RABL3: variants seen among roughly 807,000 people sequenced by gnomAD.
The protein encoded by RABL3 is RAB, member of RAS oncogene family like 3.
RABL3 carries 31 observed loss-of-function variants against 31.8 expected under a neutral mutation model. The ratio of observed to expected loss-of-function variants is 0.97; its 90% CI spans 0.73 to 1.31. The LOEUF (loss-of-function observed/expected upper bound fraction) is 1.31, where lower values mean the gene tolerates loss of function less well. Ranked by LOEUF, RABL3 falls within the 40% of genes most tolerant of loss-of-function variation. The pLI is 0.00. For synonymous variants in RABL3, 97 were observed against 99.9 expected, an observed-to-expected ratio of 0.97 and a Z score of 0.18; for missense variants, 263 against 279.6, an observed-to-expected ratio of 0.94 and a Z score of 0.42.
chr3:120,739,006 T>C (rs943857145), intron 1 of RABL3, among the ~76,000 whole-genome samples: 2 of 152,176 alleles, frequency 1.3e-5, no homozygotes, highest in South Asian at 2.1e-4. Flanking sequence ...AGCCATACAC[T>C]TGAGCCTGCA....
intron 2 of RABL3, among the ~76,000 whole-genome samples, chr3:120,720,691 G>C (rs1708728504): frequency 1.3e-5 from 2 of 152,218 alleles, no homozygotes; most frequent in Admixed American, 1.3e-4. Context: ...TACGTGAAAA[G>C]ACCAAATCTA....
Position 120,687,866 on chromosome 3 carries a change from G to C in RABL3, c.*1957C>G, listed in dbSNP as rs1160454807. The C allele has an allele frequency of 3.3e-5, 5 of 151,822 alleles. No homozygotes were observed. The highest frequency in any genetic ancestry group is 3.3e-4 in the Admixed American group (5 of 15,242). The allele number at this position is 151,822 out of a possible 1,614,324, so 9.4% of individuals were successfully genotyped here. On this transcript the variant is annotated 3_prime_UTR_variant, in exon 8 of 8. Transcript: ENST00000273375. ...GGCTGGAGTGCAGTGACACGATCTTGACTCACTGCAACCTCCACCTCCCAG... is the reference window on the plus strand; with the variant it reads ...GGCTGGAGTGCAGTGACACGATCTTCACTCACTGCAACCTCCACCTCCCAG...
At position 120,687,576 on chromosome 3, in the gene RABL3, C is replaced by A. The variant is rs1215320478; in HGVS notation, c.*2247G>T. 2 of 152,110 alleles carry A rather than the reference C, an allele frequency of 1.3e-5. No individual in the cohort carries two copies. Among genetic ancestry groups the A allele is most frequent in the African/African-American group, 2.4e-5 (1 of 41,422 alleles). The allele number at this position is 152,110 out of a possible 1,614,324, so 9.4% of individuals were successfully genotyped here. On this transcript the variant is annotated 3_prime_UTR_variant, in exon 8 of 8. Coordinates refer to ENST00000273375, the MANE Select transcript of RABL3 (RefSeq NM_173825.5). ...TTTTTTGAATAACTCTAGCTAATAACATTCATTTGCGCAAAAAGCCTTATT... is the reference window on the plus strand; with the variant it reads ...TTTTTTGAATAACTCTAGCTAATAAAATTCATTTGCGCAAAAAGCCTTATT...
chr3:120,729,025 T>C lies in RABL3; in HGVS notation c.138+1671A>G, dbSNP rs533980293. 4.6e-5 allele frequency among the ~76,000 whole-genome samples: 7 copies of C among 152,092 alleles called. No homozygotes were observed. The South Asian group carries it at 1.2e-3, about 27-fold the overall frequency. The stretch of plus-strand genomic sequence containing the variant: ...CATTCAAGGCAAAAGTATATGTGAG[T>C]GAGTGATGAAGACTAGACTATAGAT... On this transcript the variant is annotated intron_variant, in intron 2 of 7. Transcript: ENST00000273375.
intron 4 of RABL3, among the ~76,000 whole-genome samples, chr3:120,704,839 A>G (rs1708531422): frequency 2.0e-5 from 3 of 152,230 alleles, no homozygotes; most frequent in Middle Eastern, 3.4e-3. Flanking sequence ...GAGGTCAGGA[A>G]TTCGAGATCA....
chr3:120,733,861 GTTGTAGAT>G (rs1708919918), intron 1 of RABL3, among the ~76,000 whole-genome samples: 1 of 152,042 alleles, frequency 6.6e-6, no homozygotes, highest in African/African-American at 2.4e-5. Flanking sequence ...AGATTAGATG[GTTGTAGAT>G]GTGTAGATGT....
chr3:120,710,800 C>T (rs1240696772), intron 2 of RABL3, among the ~76,000 whole-genome samples: 1 of 152,110 alleles, frequency 6.6e-6, no homozygotes, highest in East Asian at 1.9e-4. Flanking sequence ...TTCTCTTGAC[C>T]TCAAGTCCTC....
chr3:120,708,464 G>C (rs1438728567), intron 3 of RABL3, among the ~76,000 whole-genome samples: 1 of 151,648 alleles, frequency 6.6e-6, no homozygotes, highest in Non-Finnish European at 1.5e-5. Flanking sequence ...AATTTTTATT[G>C]TACCTCTGTC....
intron 2 of RABL3, among the ~76,000 whole-genome samples, chr3:120,716,665 G>A (rs969305848): frequency 6.7e-6 from 1 of 150,140 alleles, no homozygotes; most frequent in Non-Finnish European, 1.5e-5. Context: ...CTGTTTCTAA[G>A]AGTTTTGAAA....
chr3:120,717,924 A>G (rs946030049), intron 2 of RABL3, among the ~76,000 whole-genome samples: 1 of 152,212 alleles, frequency 6.6e-6, no homozygotes, highest in African/African-American at 2.4e-5. Context: ...TCTCACATAC[A>G]GGGGACTGCT....
Position 120,716,474 on chromosome 3 carries a change from A to G in RABL3, c.139-6565T>C, listed in dbSNP as rs561380268. ...ATTAAACAATTACATCATCACTGCT[A>G]TCATCTCTATTTTTGGTTGGCTCTT... On this transcript the variant is annotated intron_variant, in intron 2 of 7. Coordinates refer to ENST00000273375, the MANE Select transcript of RABL3 (RefSeq NM_173825.5). Among the ~76,000 whole-genome samples, 7 of 152,316 alleles carry G rather than the reference A, an allele frequency of 4.6e-5. No individual in the cohort carries two copies. The East Asian group carries it at 9.6e-4, about 21-fold the overall frequency.
chr3:120,700,011 C>T (rs950681385), intron 4 of RABL3, among the ~76,000 whole-genome samples: 4 of 152,168 alleles, frequency 2.6e-5, no homozygotes, highest in African/African-American at 4.8e-5. Context: ...GATGTACATA[C>T]ATCTCTCATA....
intron 7 of RABL3, among the ~76,000 whole-genome samples, chr3:120,690,242 C>A (rs1017176022): frequency 6.6e-6 from 1 of 152,088 alleles, no homozygotes; most frequent in Non-Finnish European, 1.5e-5. Flanking sequence ...ATAATGTAAT[C>A]TTATTCCTAG....
At chr3:120,690,809 C>T (rs897435412) in intron 6 of RABL3, among the ~76,000 whole-genome samples, 8 of 152,212 alleles carry the variant, frequency 5.3e-5, no homozygotes, top group Admixed American at 1.3e-4. Flanking sequence ...TCTAAGTTTC[C>T]TAGCAGTCAG....
intron 2 of RABL3, among the ~76,000 whole-genome samples, chr3:120,723,870 TC>T (rs1244824176): frequency 1.3e-5 from 2 of 152,074 alleles, no homozygotes; most frequent in East Asian, 3.9e-4. Context: ...CTGGAAGCAT[TC>T]CCTTTGAAAA....
chr3:120,735,858 A>G (rs1336393157), intron 1 of RABL3, among the ~76,000 whole-genome samples: 2 of 152,122 alleles, frequency 1.3e-5, no homozygotes, highest in African/African-American at 4.8e-5. Context: ...AGCGGTTTTG[A>G]GTGAGTTTCT....
At chr3:120,698,312 A>T in intron 5 of RABL3, 111 bp downstream of exon 5, 1 of 1,028,408 alleles carries the variant, frequency 9.7e-7, no homozygotes. Flanking sequence ...GAATCCAAAT[A>T]GCCTGATTTC....
intron 2 of RABL3, among the ~76,000 whole-genome samples, chr3:120,728,700 A>G (rs1708849923): frequency 6.6e-6 from 1 of 152,110 alleles, no homozygotes; most frequent in African/African-American, 2.4e-5. Flanking sequence ...CTTAAAGTAT[A>G]ATAATAATAA....
chr3:120,736,834 T>A (rs918815877), intron 1 of RABL3, among the ~76,000 whole-genome samples: 1 of 152,184 alleles, frequency 6.6e-6, no homozygotes, highest in African/African-American at 2.4e-5. Context: ...TGAAAATTCT[T>A]TTCTTTAAGA....
Sources: allele counts gnomAD v4.1 joint callset (sites outside exome capture counted in the v4.1 genomes callset), GRCh38; gene constraint gnomAD v4.1.1; transcripts MANE v1.5; gene names NCBI Gene and HGNC (gene_info 2026-07-23, HGNC 2026-07-21).